The following GALNT17 variants were observed in gnomAD, a reference collection of about 807,000 sequenced individuals.
GALNT17 encodes the protein UDP-GalNAc:polypeptide N-acetylgalactosaminyltransferase-like 3.
Under a neutral mutation model 63.7 loss-of-function variants are expected in GALNT17, and 29 were observed. The observed-to-expected ratio is 0.46, with a 90% confidence interval of 0.34 to 0.62. GALNT17 has a LOEUF of 0.62. Ranked by LOEUF, GALNT17 falls within the 20% of genes least tolerant of loss-of-function variation. The probability of loss-of-function intolerance (pLI) is 0.01; values close to 1 mark genes in which losing one functional copy is unlikely to be tolerated. For synonymous variants in GALNT17, 305 were observed against 318.3 expected, an observed-to-expected ratio of 0.96 and a Z score of 0.45; for missense variants, 603 against 799.6, an observed-to-expected ratio of 0.75 and a Z score of 2.97.
intron 1 of GALNT17, among the ~76,000 whole-genome samples, chr7:71,275,393 C>T (rs1006450157): frequency 2.6e-5 from 4 of 152,066 alleles, no homozygotes; most frequent in African/African-American, 9.7e-5. Context: ...TAGTGAAATC[C>T]CATCTCTGGA....
At chr7:71,287,089 C>T (rs921666049) in intron 1 of GALNT17, among the ~76,000 whole-genome samples, 2 of 150,650 alleles carry the variant, frequency 1.3e-5, no homozygotes. Context: ...CTTTTAAGTT[C>T]CTTTTTGTTT....
chr7:71,324,657 CA>C (rs1216711222), intron 1 of GALNT17, among the ~76,000 whole-genome samples: 1 of 150,932 alleles, frequency 6.6e-6, no homozygotes, highest in Non-Finnish European at 1.5e-5. Context: ...GACCTTGTCT[CA>C]AAAAAAGGAG....
intron 1 of GALNT17, among the ~76,000 whole-genome samples, chr7:71,163,697 G>A (rs1788387692): frequency 6.6e-6 from 1 of 152,206 alleles, no homozygotes; most frequent in African/African-American, 2.4e-5. Context: ...ATTAATGATT[G>A]AGGAGGAAAT....
At chr7:71,402,515 C>T (rs1313036424) in intron 3 of GALNT17, among the ~76,000 whole-genome samples, 1 of 152,194 alleles carries the variant, frequency 6.6e-6, no homozygotes, top group African/African-American at 2.4e-5. Context: ...TTGAATGCTA[C>T]AGTTATTTTG....
At chr7:71,190,122 T>G (rs1788924756) in intron 1 of GALNT17, among the ~76,000 whole-genome samples, 1 of 152,196 alleles carries the variant, frequency 6.6e-6, no homozygotes. Context: ...CAAGAACCAT[T>G]TCTTCTGAGG....
chr7:71,351,560 G>C (rs1024828775), intron 2 of GALNT17, among the ~76,000 whole-genome samples: 6 of 152,060 alleles, frequency 3.9e-5, no homozygotes, highest in African/African-American at 1.4e-4. Context: ...GACAGAGACA[G>C]AAGGAAGGAG....
intron 1 of GALNT17, among the ~76,000 whole-genome samples, chr7:71,247,884 T>C (rs1213523050): frequency 6.6e-6 from 1 of 152,210 alleles, no homozygotes; most frequent in African/African-American, 2.4e-5. Context: ...AAAATGTTTT[T>C]AAGAAAATCG....
intron 1 of GALNT17, 112 bp downstream of exon 1, chr7:71,133,152 C>A: frequency 1.1e-6 from 1 of 903,252 alleles, no homozygotes; most frequent in Non-Finnish European, 1.6e-6. Context: ...CACACCCTGG[C>A]TCCCGCGCGC....
intron 1 of GALNT17, among the ~76,000 whole-genome samples, chr7:71,200,117 C>T (rs1175800818): frequency 6.6e-6 from 1 of 152,084 alleles, no homozygotes; most frequent in Non-Finnish European, 1.5e-5. Flanking sequence ...AAATCAATTC[C>T]TTCCAAGGAA....
At chr7:71,345,528 A>G (rs1792075566) in intron 2 of GALNT17, among the ~76,000 whole-genome samples, 1 of 152,124 alleles carries the variant, frequency 6.6e-6, no homozygotes. Context: ...TGGCATGATG[A>G]CCCTGTGGAG....
chr7:71,693,458 A>G (rs1225794618), intron 9 of GALNT17, among the ~76,000 whole-genome samples: 1 of 151,936 alleles, frequency 6.6e-6, no homozygotes, highest in Non-Finnish European at 1.5e-5. Flanking sequence ...ACATCATGGA[A>G]TACTTTATAG....
At chr7:71,514,274 C>T (rs755360362) in intron 5 of GALNT17, among the ~76,000 whole-genome samples, 9 of 152,062 alleles carry the variant, frequency 5.9e-5, no homozygotes, top group Non-Finnish European at 1.0e-4. Flanking sequence ...AGCACACTGG[C>T]GCAGCTGGGA....
At chr7:71,438,026 T>C (rs1302936661) in intron 5 of GALNT17, among the ~76,000 whole-genome samples, 2 of 152,208 alleles carry the variant, frequency 1.3e-5, no homozygotes, top group Admixed American at 6.5e-5. Context: ...AGACCTGTTT[T>C]CTAAGCCAGA....
intron 1 of GALNT17, among the ~76,000 whole-genome samples, chr7:71,218,913 A>G (rs894272675): frequency 9.9e-5 from 15 of 152,178 alleles, no homozygotes; most frequent in Non-Finnish European, 1.3e-4. Context: ...TTGAGTAAGT[A>G]GTAATAATAG....
chr7:71,154,013 CTTG>C (rs1225142111), intron 1 of GALNT17, among the ~76,000 whole-genome samples: 1 of 152,178 alleles, frequency 6.6e-6, no homozygotes, highest in Non-Finnish European at 1.5e-5. Flanking sequence ...TAATTCCCCT[CTTG>C]TTGATGATGC....
intron 1 of GALNT17, among the ~76,000 whole-genome samples, chr7:71,274,109 T>C (rs1231072213): frequency 6.6e-6 from 1 of 152,214 alleles, no homozygotes; most frequent in East Asian, 1.9e-4. Context: ...GAACCTTCAT[T>C]TGTGGCTTTT....
intron 6 of GALNT17, among the ~76,000 whole-genome samples, chr7:71,645,095 C>A (rs143837862): frequency 4.4e-4 from 67 of 152,276 alleles, no homozygotes; most frequent in African/African-American, 1.6e-3. Flanking sequence ...GAGAACAAAT[C>A]TTACAGCCAC....
rs536333768 is a variant in GALNT17 at position 71,199,845 on chromosome 7, T to C, written c.238+66805T>C. ...TCCAACATAACACACTTGTAGACTA[T>C]AGAGATATAAAGAAAAATAAGACCA... On this transcript the variant is annotated intron_variant, in intron 1 of 10. Coordinates refer to ENST00000333538, the MANE Select transcript of GALNT17 (RefSeq NM_022479.3). 2.2e-4 allele frequency among the ~76,000 whole-genome samples: 34 copies of C among 152,212 alleles called. 1 individual carries two copies. In the South Asian group the frequency reaches 7.1e-3, roughly 32 times the overall value.
At chr7:71,591,662 T>C (rs1192317295) in intron 6 of GALNT17, among the ~76,000 whole-genome samples, 1 of 143,004 alleles carries the variant, frequency 7.0e-6, no homozygotes, top group African/African-American at 3.0e-5. Context: ...TTTGTTTGTT[T>C]GTTCGTTTGT....
Sources: allele counts gnomAD v4.1 joint callset (sites outside exome capture counted in the v4.1 genomes callset), GRCh38; gene constraint gnomAD v4.1.1; transcripts MANE v1.5; gene names NCBI Gene and HGNC (gene_info 2026-07-23, HGNC 2026-07-21).